MTOR: variants seen among roughly 807,000 people sequenced by gnomAD.
The protein encoded by MTOR is mechanistic target of rapamycin kinase.
A neutral mutation model predicts 319.8 loss-of-function variants in MTOR; 70 were observed. The ratio of observed to expected loss-of-function variants is 0.22; its 90% confidence interval spans 0.18 to 0.27. The LOEUF (loss-of-function observed/expected upper bound fraction) is 0.27, where lower values mean the gene tolerates loss of function less well. MTOR is among the 10% of genes least tolerant of loss of function. The pLI, the probability that MTOR is intolerant of heterozygous loss-of-function variation, is 1.00. For synonymous variants in MTOR, 1,183 were observed against 1,211.4 expected, an observed-to-expected ratio of 0.98 and a Z score of 0.49; for missense variants, 1,890 against 3,274.4, an observed-to-expected ratio of 0.58 and a Z score of 10.32.
chr1:11,173,667 C>T (rs564086701), intron 28 of MTOR, among the ~76,000 whole-genome samples: 33 of 152,270 alleles, frequency 2.2e-4, no homozygotes, highest in African/African-American at 7.5e-4. Context: ...TTCCTCTTCC[C>T]CCTTTTTCAC....
In MTOR at chr1:11,212,251, G is replaced by A; in HGVS notation, c.3561+61C>T. 1 of 1,543,680 alleles carries A rather than the reference G, an allele frequency of 6.5e-7. No homozygotes were observed. Among genetic ancestry groups the A allele is most frequent in the East Asian group, 2.3e-5 (1 of 43,908 alleles). ...TCAGACAAAGTCTGAGTGGCTCACAGACAAAGTCTTCTTTCCAAATAAGGC... is the reference window on the plus strand; with the variant it reads ...TCAGACAAAGTCTGAGTGGCTCACAAACAAAGTCTTCTTTCCAAATAAGGC... On this transcript the variant is annotated intron_variant, in intron 23 of 57. Transcript: ENST00000361445. The surrounding 1 kb of genome is among the most constrained non-coding windows in gnomAD (Gnocchi z 4.1).
chr1:11,133,275 G>T lies in MTOR; in HGVS notation c.5247-78C>A. On this transcript the variant is annotated intron_variant, in intron 37 of 57. Transcript: ENST00000361445. The surrounding 1 kb of genome is among the most constrained non-coding windows in gnomAD (Gnocchi z 4.0). ...CTAAGAGGACCACAAATTGTTAGGG[G>T]ACACTGAAGCCCTTCTGGTATTTCC... 8.1e-7 allele frequency: 1 copy of T among 1,237,428 alleles called. No individual in the cohort carries two copies. Among genetic ancestry groups the T allele is most frequent in the Non-Finnish European group, 1.2e-6 (1 of 844,962 alleles). 76.7% of individuals were successfully genotyped at this position (1,237,428 alleles called of 1,614,324 possible).
At chr1:11,182,217 TAA>T (rs75328428) in intron 28 of MTOR, among the ~76,000 whole-genome samples, 18 of 137,478 alleles carry the variant, frequency 1.3e-4, no homozygotes, top group Admixed American at 2.9e-4. Flanking sequence ...AACTCCATCT[TAA>T]AAAAAAAAAA....
intron 19 of MTOR, among the ~76,000 whole-genome samples, chr1:11,221,009 T>C (rs1047319015): frequency 6.6e-6 from 1 of 152,074 alleles, no homozygotes; most frequent in Non-Finnish European, 1.5e-5. Context: ...TTTTTTTTTT[T>C]TTGGAGATGG....
intron 28 of MTOR, chr1:11,195,873 A>C (rs576198666): frequency 6.6e-6 from 1 of 152,420 alleles, no homozygotes; most frequent in East Asian, 1.9e-4. Context: ...TATAGTTAAT[A>C]ATAAATGCTG....
intron 26 of MTOR, among the ~76,000 whole-genome samples, chr1:11,201,014 CAA>C (rs55986489): frequency 1.2e-4 from 13 of 109,296 alleles, no homozygotes; most frequent in African/African-American, 9.9e-5. Flanking sequence ...GACTCTGTTT[CAA>C]AAAAAAAAAA....
At chr1:11,145,379 C>CTT in intron 32 of MTOR, 6 of 264,676 alleles carry the variant, frequency 2.3e-5, no homozygotes, top group South Asian at 1.0e-4. Context: ...GGGGATCTAC[C>CTT]TTTTTTTTTT....
rs144663877 is a variant in MTOR, at chr1:11,212,444, C to T, written c.3429G>A (p.Thr1143=). 1.6e-5 allele frequency: 26 copies of T among 1,613,956 alleles called. No individual in the cohort carries two copies. Among genetic ancestry groups the T allele is most frequent in the African/African-American group, 9.3e-5 (7 of 74,892 alleles). ...KAALETVDRL[T]ESLDFTDYAS... ...CATAGTCAGTGAAATCCAGGGACTC[C>T]GTCAGGCGGTCCACAGTCTCTAGCG... The change falls in exon 23 of 58, where the codon ACG becomes ACA. Residue 1143 remains threonine (T), a synonymous_variant. Transcript: ENST00000361445. This position sits in a 1 kb window ranked among gnomAD's most constrained non-coding sequence, Gnocchi z 4.1.
At chr1:11,114,080 CAATT>C (rs1380129731) in intron 53 of MTOR, among the ~76,000 whole-genome samples, 1 of 152,136 alleles carries the variant, frequency 6.6e-6, no homozygotes, top group East Asian at 1.9e-4. Flanking sequence ...AACTGTGAGT[CAATT>C]AAACCTCTTT....
intron 28 of MTOR, among the ~76,000 whole-genome samples, chr1:11,182,429 C>T (rs1055513670): frequency 1.3e-5 from 2 of 152,164 alleles, no homozygotes; most frequent in African/African-American, 2.4e-5. Flanking sequence ...ATTTGCTAGA[C>T]GTTGACTATG....
At position 11,128,323 on chromosome 1, in the gene MTOR, G is replaced by A. The variant is rs2100416573; in HGVS notation, c.5910+131C>T. On this transcript the variant is annotated intron_variant, in intron 42 of 57. Transcript: ENST00000361445. The surrounding 1 kb of genome is among the most constrained non-coding windows in gnomAD (Gnocchi z 5.3). ...CCGGGCCCTCTGGGACGGCTGGCTG[G>A]ACAGACCCTCCTGGGCCAGGATGGA... 8.1e-7 allele frequency: 1 copy of A among 1,235,946 alleles called. No homozygotes were observed. The allele number at this position is 1,235,946 out of a possible 1,614,324, so 76.6% of individuals were successfully genotyped here.
At chr1:11,111,872 T>C (rs567332546) in intron 54 of MTOR, 1 of 151,994 alleles carries the variant, frequency 6.6e-6, no homozygotes, top group African/African-American at 2.4e-5. Flanking sequence ...ATGTAGGGTG[T>C]TGCTAAATGT....
chr1:11,167,293 C>T, intron 29 of MTOR, 149 bp downstream of exon 29: 1 of 643,826 alleles, frequency 1.6e-6, no homozygotes, highest in Non-Finnish European at 2.8e-6. Flanking sequence ...CAGTTTATCT[C>T]TTTCATCCTG....
rs2100382500 is a variant in MTOR, at chr1:11,124,596, G to A, written c.6564C>T (p.Gly2188=). 6.2e-7 allele frequency: 1 copy of A among 1,611,966 alleles called. No individual in the cohort carries two copies. Residue 2188 remains glycine, a synonymous_variant, in exon 47 of 58, where the codon GGC becomes GGT. Transcript: ENST00000361445. The stretch of plus-strand genomic sequence containing the variant: ...GCTCATCCTGGCGCAGATCTTCATG[G>A]CCTTTTAGAAGGAAAACAAACTCAT... ...NGHEFVFLLK[G]HEDLRQDERV...
chr1:11,172,430 C>T (rs576917490), intron 28 of MTOR, among the ~76,000 whole-genome samples: 21 of 149,730 alleles, frequency 1.4e-4, no homozygotes, highest in Non-Finnish European at 2.8e-4. Flanking sequence ...TGGTGGTGGG[C>T]GCCTGTATAG....
intron 47 of MTOR, 117 bp downstream of exon 47, chr1:11,124,381 C>G (rs771068810): frequency 2.9e-5 from 39 of 1,352,810 alleles, no homozygotes; most frequent in African/African-American, 4.4e-5. Flanking sequence ...AGTTACCATG[C>G]CTGGCTCCCT....
At chr1:11,258,987 A>G (rs1650777105) in intron 2 of MTOR, among the ~76,000 whole-genome samples, 2 of 152,302 alleles carry the variant, frequency 1.3e-5, no homozygotes, top group East Asian at 3.9e-4. Flanking sequence ...GTATGTGGTA[A>G]GGAAAAAATA....
chr1:11,167,921 T>A (rs1485746217), intron 28 of MTOR, among the ~76,000 whole-genome samples: 2 of 152,016 alleles, frequency 1.3e-5, no homozygotes, highest in Non-Finnish European at 2.9e-5. Flanking sequence ...TACAAAAAAA[T>A]TAGCCGGGCG....
At position 11,167,449 on chromosome 1, in the gene MTOR, C is replaced by G; in HGVS notation, c.4322G>C (p.Gly1441Ala). 2 of 1,613,520 alleles carry G rather than the reference C, an allele frequency of 1.2e-6. No homozygotes were observed. Among genetic ancestry groups the G allele is most frequent in the Non-Finnish European group, 1.7e-6 (2 of 1,179,680 alleles). ...GVLEYAMKHFGELEIQATWYE... is the reference protein window; with the variant it reads ...GVLEYAMKHFAELEIQATWYE... ...AAAGAATGAGGTGCTTACCAGCTCTCCAAAGTGTTTCATGGCATATTCTAA... is the reference window on the plus strand; with the variant it reads ...AAAGAATGAGGTGCTTACCAGCTCTGCAAAGTGTTTCATGGCATATTCTAA... Residue 1441 changes from glycine (G) to alanine (A), a missense_variant, in exon 29 of 58, where the codon GGA (glycine) becomes GCA (alanine). This residue lies in a region of MTOR where 45 missense variants were observed against 107.2 expected (regional missense o/e 0.42). Transcript: ENST00000361445.
Sources: allele counts gnomAD v4.1 joint callset (sites outside exome capture counted in the v4.1 genomes callset), GRCh38; gene constraint gnomAD v4.1.1; regional missense constraint gnomAD v4.1.1; non-coding constraint Gnocchi (gnomAD v3.1); transcripts MANE v1.5; gene names NCBI Gene and HGNC (gene_info 2026-07-23, HGNC 2026-07-21).